Variants in DOCK6 observed in about 807,000 individuals in gnomAD.
The protein encoded by DOCK6 is dedicator of cytokinesis 6.
In DOCK6, 167 loss-of-function variants were observed where a neutral mutation model predicts 230.3. The ratio of observed to expected loss-of-function variants is 0.73; its 90% CI spans 0.64 to 0.82. The LOEUF is 0.82. DOCK6 is among the 40% of genes least tolerant of loss of function. DOCK6 has a pLI of 0.00. For missense variants in DOCK6, 2,598 were observed against 2,825.8 expected, an observed-to-expected ratio of 0.92 and a Z score of 1.83; for synonymous variants, 1,148 against 1,185.0, an observed-to-expected ratio of 0.97 and a Z score of 0.64.
chr19:11,227,572 G>A (rs2079688804), intron 23 of DOCK6, 95 bp from the exon 24 acceptor site: 1 of 1,435,612 alleles, frequency 7.0e-7, no homozygotes, highest in South Asian at 1.3e-5. Context: ...TGTGGGTGGG[G>A]CTTGAAGGAC....
intron 32 of DOCK6, 74 bp from the exon 33 acceptor site, chr19:11,214,723 C>T: frequency 6.9e-7 from 1 of 1,443,558 alleles, no homozygotes; most frequent in Non-Finnish European, 9.6e-7. Flanking sequence ...CTCTCCTTCC[C>T]CTGGCAGCCC....
intron 7 of DOCK6, 168 bp downstream of exon 7, chr19:11,247,898 G>A (rs2080059748): frequency 4.9e-6 from 3 of 610,224 alleles, no homozygotes; most frequent in Non-Finnish European, 5.9e-6. Context: ...GGAGACTCGG[G>A]ATAATGAAAA....
At chr19:11,214,963 G>A (rs1031774087) in intron 32 of DOCK6, among the ~76,000 whole-genome samples, 4 of 138,890 alleles carry the variant, frequency 2.9e-5, no homozygotes, top group African/African-American at 1.1e-4. Flanking sequence ...TTTTTTTTGA[G>A]ATGGAGTCTC....
At chr19:11,217,174 C>CG (rs2079503709) in intron 29 of DOCK6, 57 bp downstream of exon 29, 3 of 1,598,732 alleles carry the variant, frequency 1.9e-6, no homozygotes, top group Non-Finnish European at 2.6e-6. Flanking sequence ...TATCTTGATA[C>CG]ATGACTTCTC....
In DOCK6 at chr19:11,250,908, G is replaced by A. The variant is rs375697335; in HGVS notation, c.686C>T (p.Pro229Leu). The change falls in exon 6 of 48, where the codon CCG becomes CTG. Residue 229 changes from proline to leucine, a missense_variant. Transcript: ENST00000294618. ...NETLRRQHRPPALLTLYPAPD... is the reference protein window; with the variant it reads ...NETLRRQHRPLALLTLYPAPD... Reference sequence around the variant, plus strand: ...TGCCGGGTAGAGGGTGAGCAGGGCCGGGGGCCGGTGCTGCCGTCGAAGGGT... The same window carrying A: ...TGCCGGGTAGAGGGTGAGCAGGGCCAGGGGCCGGTGCTGCCGTCGAAGGGT... 46 of 1,604,546 alleles carry A rather than the reference G, an allele frequency of 2.9e-5. No homozygotes were observed. Among genetic ancestry groups the A allele is most frequent in the East Asian group, 2.5e-4 (11 of 44,618 alleles).
chr19:11,209,045 C>A lies in DOCK6; in HGVS notation c.4810G>T (p.Ala1604Ser). ...DLRLTWLQNMAGKHAELGNHA... is the reference protein window; with the variant it reads ...DLRLTWLQNMSGKHAELGNHA... ...TTGCCCAGCTCCGCGTGCTTCCCGG[C>A]CATGTTCTGCAACCAGGTCAGCCGA... Residue 1604 changes from alanine (A) to serine (S), a missense_variant, in exon 38 of 48, where the codon GCC (alanine) becomes TCC (serine). Coordinates refer to ENST00000294618, the MANE Select transcript of DOCK6 (RefSeq NM_020812.4). 6.2e-7 allele frequency: 1 copy of A among 1,612,320 alleles called. No homozygotes were observed. Among genetic ancestry groups the A allele is most frequent in the Non-Finnish European group, 8.5e-7 (1 of 1,179,450 alleles).
intron 23 of DOCK6, among the ~76,000 whole-genome samples, chr19:11,228,359 C>G (rs2079704340): frequency 2.0e-5 from 3 of 151,914 alleles, no homozygotes; most frequent in Admixed American, 2.0e-4. Context: ...ATGCAGGTCT[C>G]CTGTCTAGGT....
chr19:11,245,065 C>T (rs527598559), intron 9 of DOCK6, among the ~76,000 whole-genome samples: 19 of 152,266 alleles, frequency 1.2e-4, no homozygotes, highest in African/African-American at 4.6e-4. Flanking sequence ...ACCATGGCAC[C>T]CCTCCACCTT....
intron 13 of DOCK6, 94 bp from the exon 14 acceptor site, chr19:11,242,301 A>T: frequency 8.0e-7 from 1 of 1,244,774 alleles, no homozygotes; most frequent in African/African-American, 1.6e-5. Context: ...CTCTCCCATG[A>T]TGTTCTCTGG....
At chr19:11,250,420 T>C (rs1009476937) in intron 6 of DOCK6, among the ~76,000 whole-genome samples, 1 of 151,994 alleles carries the variant, frequency 6.6e-6, no homozygotes, top group Non-Finnish European at 1.5e-5. Flanking sequence ...GTTCTGGCGA[T>C]TCTCATGCCT....
At chr19:11,228,101 A>G (rs1320130687) in intron 23 of DOCK6, among the ~76,000 whole-genome samples, 3 of 144,334 alleles carry the variant, frequency 2.1e-5, no homozygotes, top group Non-Finnish European at 4.5e-5. Context: ...ACCTCTGCCT[A>G]CTGGGTTCAA....
At position 11,222,307 on chromosome 19, in the gene DOCK6, A is replaced by ACCATTAAAG. The variant is rs1371145278; in HGVS notation, c.3241-68_3241-60dup. The ACCATTAAAG allele has an allele frequency of 6.5e-7, 1 of 1,548,370 alleles. No homozygotes were observed. The highest frequency in any genetic ancestry group is 8.7e-7 in the Non-Finnish European group (1 of 1,143,682). ...GGTCAAGGGTCAGAGGTGGCAGGTC[A>ACCATTAAAG]CCATTAAAGCCATCTTGGAGGTGAC... is the stretch of plus-strand genomic sequence containing the variant. On this transcript the variant is annotated intron_variant, in intron 26 of 47. Coordinates refer to ENST00000294618, the MANE Select transcript of DOCK6 (RefSeq NM_020812.4). The surrounding 1 kb of genome is among the most constrained non-coding windows in gnomAD (Gnocchi z 4.0).
In DOCK6 at chr19:11,202,469, C is replaced by T. The variant is rs759765974; in HGVS notation, c.5376G>A (p.Glu1792=). ...ISHRLEEFYT[E]RFGDDVVEII... is the part of the protein sequence containing the mutation. ...TCTCAACGACGTCGTCGCCAAATCTCTCCGTGTAGAACTCCTGGAGACACA... is the reference window on the plus strand; with the variant it reads ...TCTCAACGACGTCGTCGCCAAATCTTTCCGTGTAGAACTCCTGGAGACACA... Residue 1792 remains glutamate, a synonymous_variant, in exon 43 of 48, where the codon GAG becomes GAA. Coordinates refer to ENST00000294618, the MANE Select transcript of DOCK6 (RefSeq NM_020812.4). This position sits in a 1 kb window ranked among gnomAD's most constrained non-coding sequence, Gnocchi z 5.3. The T allele has an allele frequency of 6.2e-7, 1 of 1,613,462 alleles. No individual in the cohort carries two copies. Among genetic ancestry groups the T allele is most frequent in the Admixed American group, 1.7e-5 (1 of 60,006 alleles).
At chr19:11,247,976 G>A in intron 7 of DOCK6, 90 bp downstream of exon 7, 12 of 1,158,126 alleles carry the variant, frequency 1.0e-5, no homozygotes, top group Non-Finnish European at 1.5e-5. Flanking sequence ...GCCGCACACG[G>A]TAATGGCACT....
At chr19:11,250,366 T>C (rs1458359572) in intron 6 of DOCK6, among the ~76,000 whole-genome samples, 1 of 150,144 alleles carries the variant, frequency 6.7e-6, no homozygotes, top group Non-Finnish European at 1.5e-5. Context: ...CAGGCTGGAG[T>C]GCAGTGACGG....
intron 6 of DOCK6, among the ~76,000 whole-genome samples, chr19:11,249,373 T>C (rs1489608664): frequency 6.6e-6 from 1 of 151,254 alleles, no homozygotes; most frequent in Non-Finnish European, 1.5e-5. Context: ...TAGCCAGGCA[T>C]AGTGGCACGT....
chr19:11,236,629 C>G lies in DOCK6; in HGVS notation c.2161-52G>C, dbSNP rs538098542. 6.5e-5 allele frequency: 99 copies of G among 1,520,836 alleles called. 1 individual carries two copies. In the South Asian group the frequency reaches 1.1e-3, roughly 17 times the overall value. 94.2% of individuals were successfully genotyped at this position (1,520,836 alleles called of 1,614,324 possible). ...GTGGGGCCTCAGGGAATGAAGACCACCCCTGCCTGAATCAGCAGCTTCCCT... is the reference window on the plus strand; with the variant it reads ...GTGGGGCCTCAGGGAATGAAGACCAGCCCTGCCTGAATCAGCAGCTTCCCT... On this transcript the variant is annotated intron_variant, in intron 19 of 47. Transcript: ENST00000294618. This position sits in a 1 kb window ranked among gnomAD's most constrained non-coding sequence, Gnocchi z 5.2.
In DOCK6 at chr19:11,222,382, C is replaced by T. The variant is rs982225292; in HGVS notation, c.3241-134G>A. 33 of 1,277,852 alleles carry T rather than the reference C, an allele frequency of 2.6e-5. No individual in the cohort carries two copies. In the African/African-American group the frequency reaches 4.6e-4, roughly 18 times the overall value. The allele number at this position is 1,277,852 out of a possible 1,614,324, so 79.2% of individuals were successfully genotyped here. On this transcript the variant is annotated intron_variant, in intron 26 of 47. Coordinates refer to ENST00000294618, the MANE Select transcript of DOCK6 (RefSeq NM_020812.4). The surrounding 1 kb of genome is among the most constrained non-coding windows in gnomAD (Gnocchi z 4.0). ...AGATGAAAGACTGATGTTAAGTCAT[C>T]TGGAGGTGACAGTGGGCATGGGTTT... is the stretch of plus-strand genomic sequence containing the variant.
At chr19:11,231,314 C>T (rs1192472316) in intron 22 of DOCK6, among the ~76,000 whole-genome samples, 1 of 138,454 alleles carries the variant, frequency 7.2e-6, no homozygotes, top group Non-Finnish European at 1.6e-5. Context: ...CCCTAGCTGA[C>T]TCTATCTTAC....
Sources: allele counts gnomAD v4.1 joint callset (sites outside exome capture counted in the v4.1 genomes callset), GRCh38; gene constraint gnomAD v4.1.1; non-coding constraint Gnocchi (gnomAD v3.1); transcripts MANE v1.5; gene names NCBI Gene and HGNC (gene_info 2026-07-23, HGNC 2026-07-21).